CSMD3: variants seen among roughly 807,000 people sequenced by gnomAD.
The protein encoded by CSMD3 is CUB and sushi domain-containing protein 3.
CSMD3 carries 177 observed loss-of-function variants against 435.2 expected under a neutral mutation model. That is an observed-to-expected ratio of 0.41 (90% CI 0.36 to 0.46). CSMD3 has a LOEUF of 0.46. CSMD3 is among the 20% of genes least tolerant of loss of function. The probability of loss-of-function intolerance (pLI) is 0.34; values close to 1 mark genes in which losing one functional copy is unlikely to be tolerated. For synonymous variants in CSMD3, 1,656 were observed against 1,520.5 expected (o/e 1.09, Z -2.07); for missense variants, 4,265 against 4,504.6 (o/e 0.95, Z 1.52).
intron 12 of CSMD3, among the ~76,000 whole-genome samples, 200 bp from the exon 13 acceptor site, chr8:112,800,474 G>A (rs997600029): frequency 1.3e-5 from 2 of 151,934 alleles, no homozygotes; most frequent in Admixed American, 1.3e-4. Context: ...ATTATTCTGT[G>A]TTTAACTAGG....
At chr8:112,750,973 C>CT (rs1158281600) in intron 13 of CSMD3, among the ~76,000 whole-genome samples, 1 of 151,724 alleles carries the variant, frequency 6.6e-6, no homozygotes, top group East Asian at 1.9e-4. Context: ...TTCTGCAGGG[C>CT]TGACTGCAGG....
chr8:112,266,551 C>T (rs964415679), intron 59 of CSMD3, among the ~76,000 whole-genome samples: 2 of 152,152 alleles, frequency 1.3e-5, no homozygotes, highest in African/African-American at 4.8e-5. Context: ...ATGGCTATCA[C>T]AGAGCATTAA....
rs116880853 is a variant in CSMD3 at position 113,370,381 on chromosome 8, A to G, written c.179-55588T>C. 1.2e-4 allele frequency among the ~76,000 whole-genome samples: 18 copies of G among 151,686 alleles called. No individual in the cohort carries two copies. The East Asian group carries it at 2.1e-3, about 18-fold the overall frequency. On this transcript the variant is annotated intron_variant, in intron 1 of 70. Transcript: ENST00000297405. ...TTCCAGCCTTTTACTTAAAAGATAG[A>G]ATCTAAATGACCTTGTCAAATTGTG...
chr8:112,815,823 G>A (rs897498958), intron 12 of CSMD3, among the ~76,000 whole-genome samples: 2 of 152,068 alleles, frequency 1.3e-5, no homozygotes, highest in African/African-American at 2.4e-5. Flanking sequence ...GAACCACACA[G>A]AATAAATTAT....
intron 1 of CSMD3, among the ~76,000 whole-genome samples, chr8:113,384,958 G>A (rs1369735001): frequency 6.6e-6 from 1 of 152,044 alleles, no homozygotes; most frequent in Non-Finnish European, 1.5e-5. Flanking sequence ...TACATTTGAA[G>A]TTTAGTGAAT....
intron 1 of CSMD3, among the ~76,000 whole-genome samples, chr8:113,428,204 A>ATATCTATCTATC (rs36077177): frequency 6.2e-4 from 91 of 146,234 alleles, no homozygotes; most frequent in East Asian, 2.7e-3. Flanking sequence ...CAACTGTGGG[A>ATATCTATCTATC]TATCTATCTA....
At chr8:112,746,233 CT>C (rs1260990285) in intron 13 of CSMD3, among the ~76,000 whole-genome samples, 1 of 152,172 alleles carries the variant, frequency 6.6e-6, no homozygotes. Context: ...GAGTTCACCC[CT>C]CTCTTTGCCA....
chr8:112,691,934 C>T (rs1164960477), intron 13 of CSMD3, among the ~76,000 whole-genome samples: 1 of 151,624 alleles, frequency 6.6e-6, no homozygotes, highest in Non-Finnish European at 1.5e-5. Flanking sequence ...CTGGGTAGCT[C>T]GGACTATAGG....
intron 1 of CSMD3, 48 bp from the exon 2 acceptor site, chr8:113,314,841 A>C (rs2132672518): frequency 8.4e-7 from 1 of 1,190,736 alleles, no homozygotes; most frequent in Non-Finnish European, 1.2e-6. Flanking sequence ...TAAATCAAGA[A>C]CAATCCATGA....
chr8:112,794,141 G>A (rs185309294), intron 13 of CSMD3, among the ~76,000 whole-genome samples: 47 of 151,856 alleles, frequency 3.1e-4, no homozygotes, highest in African/African-American at 1.0e-3. Flanking sequence ...GTTCTGCCAT[G>A]CCTCTATCAG....
At chr8:112,287,673 T>C (rs745683038) in intron 57 of CSMD3, among the ~76,000 whole-genome samples, 59 of 152,250 alleles carry the variant, frequency 3.9e-4, no homozygotes, top group Admixed American at 7.9e-4. Flanking sequence ...ATATTTTTAT[T>C]GTTTTTGTTA....
chr8:112,598,817 T>A (rs1390390417), intron 22 of CSMD3, among the ~76,000 whole-genome samples: 3 of 152,238 alleles, frequency 2.0e-5, no homozygotes, highest in Non-Finnish European at 4.4e-5. Context: ...GCTAGCCATA[T>A]GTAGAAAGCT....
At chr8:112,529,315 T>C (rs1825294156) in intron 27 of CSMD3, among the ~76,000 whole-genome samples, 1 of 152,118 alleles carries the variant, frequency 6.6e-6, no homozygotes, top group Admixed American at 6.6e-5. Flanking sequence ...AAAGCACAGT[T>C]AATGCGGTAC....
At chr8:112,347,592 A>G (rs1181546877) in intron 40 of CSMD3, among the ~76,000 whole-genome samples, 1 of 152,244 alleles carries the variant, frequency 6.6e-6, no homozygotes, top group African/African-American at 2.4e-5. Flanking sequence ...CAACCTGCAT[A>G]TAAACCTTTC....
In CSMD3 at chr8:112,291,706, GA is replaced by G; in HGVS notation, c.8789-12del. ...CAGAACAGTTGACCACTAAACAAAT[GA>G]CAAATTTTGAAACATATGTTTGGAA... On this transcript the variant is annotated splice_polypyrimidine_tract_variant and intron_variant, in intron 55 of 70. Transcript: ENST00000297405. 6.3e-7 allele frequency: 1 copy of G among 1,586,590 alleles called. No homozygotes were observed. Among genetic ancestry groups the G allele is most frequent in the Admixed American group, 1.7e-5 (1 of 59,892 alleles).
chr8:112,434,130 G>C (rs969139079), intron 32 of CSMD3, among the ~76,000 whole-genome samples: 4 of 152,046 alleles, frequency 2.6e-5, no homozygotes, highest in Non-Finnish European at 5.9e-5. Context: ...AGTGTGAAGT[G>C]GTACTTGGGA....
In CSMD3 at chr8:112,517,127, C is replaced by T. The variant is rs2130988662; in HGVS notation, c.4663G>A (p.Asp1555Asn). Reference sequence around the variant, plus strand: ...TCTCCTTGAAGTTCATATCCTGGGTCACATTGAAAAACAACAGTGTCCCCA... The same window carrying T: ...TCTCCTTGAAGTTCATATCCTGGGTTACATTGAAAAACAACAGTGTCCCCA... ...EPGDTVVFQC[D>N]PGYELQGEER... The change falls in exon 28 of 71, where the codon GAC becomes AAC. Residue 1555 changes from aspartate to asparagine, a missense_variant. By Grantham distance (23) the Asp-to-Asn change is conservative. Transcript: ENST00000297405. 1.9e-6 allele frequency: 3 copies of T among 1,613,638 alleles called. No individual in the cohort carries two copies. Among genetic ancestry groups the T allele is most frequent in the Non-Finnish European group, 2.5e-6 (3 of 1,179,702 alleles).
At chr8:112,733,920 T>C (rs181859026) in intron 13 of CSMD3, among the ~76,000 whole-genome samples, 40 of 152,148 alleles carry the variant, frequency 2.6e-4, no homozygotes, top group Admixed American at 2.5e-3. Context: ...AATTAATTTC[T>C]CCAGAGTGCT....
intron 5 of CSMD3, among the ~76,000 whole-genome samples, chr8:113,073,683 C>A (rs1425813998): frequency 6.6e-6 from 1 of 151,214 alleles, no homozygotes; most frequent in Non-Finnish European, 1.5e-5. Flanking sequence ...AAGTAGGATA[C>A]AAAAGTGACC....
Sources: gnomAD v4.1 joint callset for allele counts (sites outside exome capture counted in the v4.1 genomes callset) on GRCh38, gnomAD v4.1.1 for gene constraint, MANE v1.5 for transcripts, NCBI Gene and HGNC (gene_info 2026-07-23, HGNC 2026-07-21) for gene names.